The following SSH3 variants were observed in gnomAD, a reference collection of about 807,000 sequenced individuals.
SSH3 encodes slingshot protein phosphatase 3.
Under a neutral mutation model 75.0 loss-of-function variants are expected in SSH3, and 67 were observed. The ratio of observed to expected loss-of-function variants is 0.89; its 90% CI spans 0.73 to 1.10. The LOEUF (loss-of-function observed/expected upper bound fraction) is 1.10, where lower values mean the gene tolerates loss of function less well. Ranked by LOEUF, SSH3 falls within the 50% of genes least tolerant of loss-of-function variation. SSH3 has a pLI of 0.00. For missense variants in SSH3, 824 were observed against 872.7 expected (o/e 0.94, Z 0.70); for synonymous variants, 318 against 349.2 (o/e 0.91, Z 1.00).
In SSH3 at chr11:67,304,155, G is replaced by A; in HGVS notation, c.104G>A (p.Arg35Lys). Residue 35 changes from arginine (R) to lysine (K), a missense_variant and splice_region_variant, in exon 2 of 14, where the codon AGG (arginine) becomes AAG (lysine). Transcript: ENST00000308127. Reference sequence around the variant, plus strand: ...CAGCGAAGGAGTCGACTCCAGCGAAGGTGAGCGCCACCTCCCCCACGCAGA... The same window carrying A: ...CAGCGAAGGAGTCGACTCCAGCGAAAGTGAGCGCCACCTCCCCCACGCAGA... Reference protein sequence around the residue: ...AVQRRSRLQRRQSFAVLRGAV... With the variant: ...AVQRRSRLQRKQSFAVLRGAV... The A allele has an allele frequency of 1.3e-6, 2 of 1,598,674 alleles. No individual in the cohort carries two copies. Among genetic ancestry groups the A allele is most frequent in the Non-Finnish European group, 8.5e-7 (1 of 1,175,724 alleles).
chr11:67,308,885 C>A lies in SSH3; in HGVS notation c.1061+427C>A, dbSNP rs2134781560. Reference sequence around the variant, plus strand: ...CCGTGATCACGCCACTGCACTCCAGCCTGGGCAACAGAGAGAGACCCTGTC... The same window carrying A: ...CCGTGATCACGCCACTGCACTCCAGACTGGGCAACAGAGAGAGACCCTGTC... On this transcript the variant is annotated intron_variant, in intron 10 of 13. Coordinates refer to ENST00000308127, the MANE Select transcript of SSH3 (RefSeq NM_017857.4). The surrounding 1 kb of genome is among the most constrained non-coding windows in gnomAD (Gnocchi z 4.9). 6.6e-6 allele frequency among the ~76,000 whole-genome samples: 1 copy of A among 152,194 alleles called. No individual in the cohort carries two copies. Among genetic ancestry groups the A allele is most frequent in the South Asian group, 2.1e-4 (1 of 4,828 alleles).
chr11:67,306,762 T>C, intron 3 of SSH3, 76 bp from the exon 4 acceptor site: 3 of 1,498,380 alleles, frequency 2.0e-6, no homozygotes, highest in Non-Finnish European at 2.7e-6. Flanking sequence ...TCAGCACTGT[T>C]CTGGGCCTGG....
At position 67,308,494 on chromosome 11, in the gene SSH3, C is replaced by A; in HGVS notation, c.1061+36C>A. On this transcript the variant is annotated intron_variant, in intron 10 of 13. Coordinates refer to ENST00000308127, the MANE Select transcript of SSH3 (RefSeq NM_017857.4). The surrounding 1 kb of genome is among the most constrained non-coding windows in gnomAD (Gnocchi z 4.9). ...GAGCCCCTCGGGCCACCCACCCCAT[C>A]TTCCCTTCTCCTGGCCTCCCCGCAT... 2.6e-6 allele frequency: 4 copies of A among 1,555,062 alleles called. No homozygotes were observed. The highest frequency in any genetic ancestry group is 3.5e-6 in the Non-Finnish European group (4 of 1,150,042).
Position 67,311,951 on chromosome 11 carries a change from C to T in SSH3, c.*64C>T. 12 of 1,585,500 alleles carry T rather than the reference C, an allele frequency of 7.6e-6. No homozygotes were observed. Among genetic ancestry groups the T allele is most frequent in the Non-Finnish European group, 9.4e-6 (11 of 1,170,126 alleles). On this transcript the variant is annotated 3_prime_UTR_variant, in exon 14 of 14. Transcript: ENST00000308127. ...GATCCACAACTCCTTGGAGAAACAC[C>T]CTCACGTCTGTTGCCGCACACATTC...
In SSH3 at chr11:67,311,675, G is replaced by A; in HGVS notation, c.1768G>A (p.Asp590Asn). The A allele has an allele frequency of 1.2e-6, 2 of 1,614,092 alleles. No individual in the cohort carries two copies. Among genetic ancestry groups the A allele is most frequent in the Non-Finnish European group, 1.7e-6 (2 of 1,180,020 alleles). ...LARTKGGQQV[D>N]RGPQPALKSR... is the part of the protein sequence containing the mutation. Reference sequence around the variant, plus strand: ...AAGGACCAAGGGAGGCCAGCAGGTGGACAGGGGGCCTCAGCCTGCCCTGAA... The same window carrying A: ...AAGGACCAAGGGAGGCCAGCAGGTGAACAGGGGGCCTCAGCCTGCCCTGAA... Residue 590 changes from aspartate to asparagine, a missense_variant, in exon 14 of 14, where the codon GAC becomes AAC. Transcript: ENST00000308127.
intron 10 of SSH3, chr11:67,309,131 C>T: frequency 2.0e-6 from 1 of 493,204 alleles, no homozygotes. Flanking sequence ...TGTTCTCTAA[C>T]TCATTTCTGA....
intron 13 of SSH3, among the ~76,000 whole-genome samples, chr11:67,310,877 A>G (rs964102523): frequency 6.6e-6 from 1 of 152,114 alleles, no homozygotes; most frequent in Non-Finnish European, 1.5e-5. Flanking sequence ...TTAATCTCTG[A>G]AGCCCCTCCC....
chr11:67,311,458 A>G, intron 13 of SSH3, 133 bp from the exon 14 acceptor site: 2 of 1,206,822 alleles, frequency 1.7e-6, no homozygotes, highest in South Asian at 1.3e-5. Context: ...CGTGCGTGCC[A>G]CAAACATTCC....
intron 11 of SSH3, 40 bp downstream of exon 11, chr11:67,309,583 C>T: frequency 1.2e-6 from 2 of 1,604,998 alleles, no homozygotes; most frequent in Non-Finnish European, 1.7e-6. Flanking sequence ...ACTGTGGCTT[C>T]AAGCGGCCTC....
chr11:67,311,667 A>G lies in SSH3; in HGVS notation c.1760A>G (p.Gln587Arg), dbSNP rs1565091305. The G allele has an allele frequency of 6.2e-7, 1 of 1,614,004 alleles. No homozygotes were observed. Among genetic ancestry groups the G allele is most frequent in the Non-Finnish European group, 8.5e-7 (1 of 1,180,034 alleles). Residue 587 changes from glutamine (Q) to arginine (R), a missense_variant, in exon 14 of 14, where the codon CAG (glutamine) becomes CGG (arginine). Coordinates refer to ENST00000308127, the MANE Select transcript of SSH3 (RefSeq NM_017857.4). ...CAGCTTGCAAGGACCAAGGGAGGCC[A>G]GCAGGTGGACAGGGGGCCTCAGCCT... ...FPQLARTKGG[Q>R]QVDRGPQPAL...
chr11:67,309,919 C>T lies in SSH3; in HGVS notation c.1360C>T (p.Pro454Ser), dbSNP rs1861363753. 1 of 1,610,934 alleles carries T rather than the reference C, an allele frequency of 6.2e-7. No homozygotes were observed. The highest frequency in any genetic ancestry group is 1.7e-5 in the Admixed American group (1 of 60,004). The change falls in exon 12 of 14, where the codon CCT (proline) becomes TCT (serine). Residue 454 changes from proline (P) to serine (S), a missense_variant. Coordinates refer to ENST00000308127, the MANE Select transcript of SSH3 (RefSeq NM_017857.4). The stretch of plus-strand genomic sequence containing the variant: ...GCTCCGGCCCATCGCCCGCCCCAAC[C>T]CTGGCTTCCTGCGCCAGCTGCAGAT... ...QELRPIARPNPGFLRQLQIYQ... is the reference protein window; with the variant it reads ...QELRPIARPNSGFLRQLQIYQ...
chr11:67,304,186 C>A (rs768212169), intron 2 of SSH3, 31 bp downstream of exon 2: 2 of 1,528,118 alleles, frequency 1.3e-6, no homozygotes, highest in Non-Finnish European at 1.8e-6. Flanking sequence ...GCAGACACTT[C>A]CGTCTGCCCC....
chr11:67,303,969 C>T (rs1013759887), intron 1 of SSH3, 149 bp from the exon 2 acceptor site: 26 of 1,101,466 alleles, frequency 2.4e-5, no homozygotes, highest in Non-Finnish European at 3.3e-5. Flanking sequence ...CGGGGCTCCA[C>T]GGGGCCTCCC....
intron 13 of SSH3, among the ~76,000 whole-genome samples, chr11:67,310,903 C>T (rs1306327357): frequency 1.3e-5 from 2 of 152,204 alleles, no homozygotes; most frequent in African/African-American, 4.8e-5. Context: ...TGAGGAGCAG[C>T]ACCTCAAAGG....
In SSH3 at chr11:67,312,052, T is replaced by C. The variant is rs1861428105; in HGVS notation, c.*165T>C. The C allele has an allele frequency of 2.3e-6, 2 of 881,214 alleles. No individual in the cohort carries two copies. Among genetic ancestry groups the C allele is most frequent in the Non-Finnish European group, 3.3e-6 (2 of 606,830 alleles). 54.6% of individuals were successfully genotyped at this position (881,214 alleles called of 1,614,324 possible). On this transcript the variant is annotated 3_prime_UTR_variant, in exon 14 of 14. Coordinates refer to ENST00000308127, the MANE Select transcript of SSH3 (RefSeq NM_017857.4). ...TCACTACGGCCTCACCTCCCACCCC[T>C]GTCACTACAGCCTCACCTCCTACAG... is the stretch of plus-strand genomic sequence containing the variant.
rs752368206 is a variant in SSH3, at chr11:67,309,932, G to T, written c.1373G>T (p.Arg458Leu). 3 of 1,610,494 alleles carry T rather than the reference G, an allele frequency of 1.9e-6. No individual in the cohort carries two copies. The Admixed American group carries it at 5.0e-5, about 27-fold the overall frequency. Reference sequence around the variant, plus strand: ...GCCCGCCCCAACCCTGGCTTCCTGCGCCAGCTGCAGATCTACCAGGGCATC... The same window carrying T: ...GCCCGCCCCAACCCTGGCTTCCTGCTCCAGCTGCAGATCTACCAGGGCATC... ...PIARPNPGFLRQLQIYQGILT... is the reference protein window; with the variant it reads ...PIARPNPGFLLQLQIYQGILT... Residue 458 changes from arginine (R) to leucine (L), a missense_variant, in exon 12 of 14, where the codon CGC (arginine) becomes CTC (leucine). Arg to Leu is a moderately radical substitution (Grantham distance 102). Coordinates refer to ENST00000308127, the MANE Select transcript of SSH3 (RefSeq NM_017857.4).
chr11:67,309,499 G>T lies in SSH3; in HGVS notation c.1164G>T (p.Leu388=). The change falls in exon 11 of 14, where the codon CTG becomes CTT. Residue 388 remains leucine (L), a synonymous_variant. Coordinates refer to ENST00000308127, the MANE Select transcript of SSH3 (RefSeq NM_017857.4). ...VRLWDEESAQ[L]LPHWKETHRF... is the part of the protein sequence containing the mutation. ...TCTGGGATGAGGAGTCGGCCCAGCT[G>T]CTGCCGCACTGGAAGGAGACGCACC... 1 of 1,614,120 alleles carries T rather than the reference G, an allele frequency of 6.2e-7. No homozygotes were observed. The highest frequency in any genetic ancestry group is 8.5e-7 in the Non-Finnish European group (1 of 1,180,042).
rs1861258375 is a variant in SSH3 at position 67,306,823 on chromosome 11, C to T, written c.340-15C>T. The T allele has an allele frequency of 3.7e-6, 6 of 1,602,444 alleles. No homozygotes were observed. The highest frequency in any genetic ancestry group is 5.1e-6 in the Non-Finnish European group (6 of 1,173,306). ...TTGGGGCCACTGTGACCCTGGGTTC[C>T]TCATCTCCCCCCAGGCAGCCCAGCT... is the stretch of plus-strand genomic sequence containing the variant. On this transcript the variant is annotated splice_polypyrimidine_tract_variant and intron_variant, in intron 3 of 13. Transcript: ENST00000308127.
chr11:67,308,475 C>G lies in SSH3; in HGVS notation c.1061+17C>G, dbSNP rs1170234020. ...GAGGAACAGGTAGGGCTATGAGCCC[C>G]TCGGGCCACCCACCCCATCTTCCCT... On this transcript the variant is annotated intron_variant, in intron 10 of 13. Transcript: ENST00000308127. The surrounding 1 kb of genome is among the most constrained non-coding windows in gnomAD (Gnocchi z 4.9). The G allele has an allele frequency of 6.4e-7, 1 of 1,567,470 alleles. No individual in the cohort carries two copies. The highest frequency in any genetic ancestry group is 1.4e-5 in the African/African-American group (1 of 73,532).
Sources: allele counts gnomAD v4.1 joint callset (sites outside exome capture counted in the v4.1 genomes callset), GRCh38; gene constraint gnomAD v4.1.1; non-coding constraint Gnocchi (gnomAD v3.1); transcripts MANE v1.5; gene names NCBI Gene and HGNC (gene_info 2026-07-23, HGNC 2026-07-21).